The following SMG1 variants were observed in gnomAD, a reference collection of about 807,000 sequenced individuals.
SMG1 encodes SMG1 nonsense mediated mRNA decay associated PI3K related kinase, also known as serine/threonine-protein kinase SMG1.
A neutral mutation model predicts 419.9 loss-of-function variants in SMG1; 22 were observed. The ratio of observed to expected loss-of-function variants is 0.05; its 90% CI spans 0.04 to 0.07. The LOEUF (loss-of-function observed/expected upper bound fraction) is 0.07, where lower values mean the gene tolerates loss of function less well. SMG1 is among the 10% of genes least tolerant of loss of function. SMG1 has a pLI of 1.00. For synonymous variants in SMG1, 1,538 were observed against 1,553.5 expected, an observed-to-expected ratio of 0.99 and a Z score of 0.23; for missense variants, 3,185 against 4,342.0, an observed-to-expected ratio of 0.73 and a Z score of 7.49.
At chr16:18,898,248 G>C (rs998482011) in intron 1 of SMG1, among the ~76,000 whole-genome samples, 1 of 152,148 alleles carries the variant, frequency 6.6e-6, no homozygotes, top group African/African-American at 2.4e-5. Context: ...ACTGGTACAA[G>C]TCATTACTTA....
chr16:18,869,794 A>G (rs1311219847), intron 19 of SMG1, 60 bp downstream of exon 19: 4 of 1,443,262 alleles, frequency 2.8e-6, no homozygotes, highest in Admixed American at 3.4e-5. Flanking sequence ...AACTGCATGT[A>G]AAGTCAAAAG....
chr16:18,872,114 T>C (rs1285147996), intron 15 of SMG1, 70 bp downstream of exon 15: 1 of 978,348 alleles, frequency 1.0e-6, no homozygotes, highest in Non-Finnish European at 1.4e-6. Context: ...TAATCCACAT[T>C]TCTTATTCTC....
At chr16:18,809,780 CTTAA>C (rs1212197234) in intron 62 of SMG1, 134 bp from the exon 63 acceptor site, 1 of 614,848 alleles carries the variant, frequency 1.6e-6, no homozygotes, top group Non-Finnish European at 2.9e-6. Context: ...CTGTAAGCCC[CTTAA>C]TTTTCATATA....
At chr16:18,904,641 A>T (rs113298196) in intron 1 of SMG1, among the ~76,000 whole-genome samples, 1 of 151,710 alleles carries the variant, frequency 6.6e-6, no homozygotes. Context: ...TGTCTCAAAA[A>T]AAAATAAAAT....
intron 55 of SMG1, among the ~76,000 whole-genome samples, chr16:18,827,480 A>C (rs7202928): frequency 0.13 from 15,881 of 127,002 alleles, 933 homozygotes; most frequent in Middle Eastern, 0.2. Flanking sequence ...TTTTATATAT[A>C]TTTGGTATAA....
At position 18,805,222 on chromosome 16, in the gene SMG1, C is replaced by G. The variant is rs983977998; in HGVS notation, c.*4347G>C. 1.3e-5 allele frequency: 2 copies of G among 152,028 alleles called. No homozygotes were observed. Among genetic ancestry groups the G allele is most frequent in the African/African-American group, 4.8e-5 (2 of 41,380 alleles). 9.4% of individuals were successfully genotyped at this position (152,028 alleles called of 1,614,324 possible). The stretch of plus-strand genomic sequence containing the variant: ...GTGGAAATATAAGGGAAATTTAAAC[C>G]AGAAAAATGACACAATAACTTTAAA... On this transcript the variant is annotated 3_prime_UTR_variant, in exon 63 of 63. Coordinates refer to ENST00000446231, the MANE Select transcript of SMG1 (RefSeq NM_015092.5).
At chr16:18,920,300 T>C (rs1393485053) in intron 1 of SMG1, among the ~76,000 whole-genome samples, 3 of 151,290 alleles carry the variant, frequency 2.0e-5, no homozygotes, top group Non-Finnish European at 4.4e-5. Context: ...GAAAATCGCT[T>C]GTACCTGGGA....
chr16:18,854,526 A>G, intron 30 of SMG1, 130 bp downstream of exon 30: 1 of 864,546 alleles, frequency 1.2e-6, no homozygotes, highest in Non-Finnish European at 1.7e-6. Flanking sequence ...ATTATTCAGG[A>G]TGCAAATGTT....
At position 18,809,512 on chromosome 16, in the gene SMG1, G is replaced by A. The variant is rs933991849; in HGVS notation, c.*57C>T. The A allele has an allele frequency of 4.4e-6, 6 of 1,365,606 alleles. No individual in the cohort carries two copies. In the East Asian group the frequency reaches 9.4e-5, roughly 21 times the overall value. The allele number at this position is 1,365,606 out of a possible 1,614,324, so 84.6% of individuals were successfully genotyped here. A position where few individuals can be genotyped will look rare whatever the true frequency, so the allele number is the denominator to read the frequency against. On this transcript the variant is annotated 3_prime_UTR_variant, in exon 63 of 63. Coordinates refer to ENST00000446231, the MANE Select transcript of SMG1 (RefSeq NM_015092.5). ...TGTGGCTTTGGATGCCTGAGGCTGA[G>A]TTGATTCTGGTGGATGTCTGACCTC...
intron 3 of SMG1, among the ~76,000 whole-genome samples, chr16:18,895,043 T>C (rs538501791): frequency 0.095 from 14,407 of 151,958 alleles, 730 homozygotes; most frequent in Middle Eastern, 0.17. Flanking sequence ...GGTCTCGATC[T>C]CCTGACCTCG....
At chr16:18,883,690 G>C (rs898721022) in intron 9 of SMG1, among the ~76,000 whole-genome samples, 10 of 152,126 alleles carry the variant, frequency 6.6e-5, no homozygotes, top group Non-Finnish European at 1.5e-4. Flanking sequence ...AGGCCGATGC[G>C]GGTGGATCAC....
rs370087381 is a variant in SMG1, at chr16:18,869,274, T to C, written c.2663A>G (p.Tyr888Cys). 62 of 1,611,090 alleles carry C rather than the reference T, an allele frequency of 3.8e-5. No individual in the cohort carries two copies. The highest frequency in any genetic ancestry group is 4.5e-4 in the Middle Eastern group (2 of 4,452). ...GKDNWLERLF[Y>C]SCQRLDKRDQ... ...ACGCTTATCCAGTCTCTGGCAGCTA[T>C]AGAACAGTCTTTCCAACCAATTGTC... The change falls in exon 20 of 63, where the codon TAT becomes TGT. Residue 888 changes from tyrosine to cysteine, a missense_variant. Tyr to Cys is a radical substitution (Grantham distance 194). Coordinates refer to ENST00000446231, the MANE Select transcript of SMG1 (RefSeq NM_015092.5).
intron 30 of SMG1, 143 bp downstream of exon 30, chr16:18,854,513 C>T: frequency 1.2e-6 from 1 of 808,358 alleles, no homozygotes; most frequent in Non-Finnish European, 1.9e-6. Context: ...TAATAAGCAA[C>T]TTATTATTCA....
intron 35 of SMG1, 82 bp from the exon 36 acceptor site, chr16:18,849,460 A>G (rs2034470351): frequency 6.8e-6 from 9 of 1,319,612 alleles, no homozygotes; most frequent in Admixed American, 2.0e-5. Flanking sequence ...TCAAACAGAT[A>G]AAACGTGATG....
intron 7 of SMG1, 72 bp downstream of exon 7, chr16:18,885,469 G>A (rs1171067898): frequency 6.4e-7 from 1 of 1,563,660 alleles, no homozygotes; most frequent in Non-Finnish European, 8.7e-7. Flanking sequence ...TTTTCCATCT[G>A]TTTCCTCAGA....
chr16:18,841,418 A>G (rs2033919119), intron 41 of SMG1, 147 bp downstream of exon 41: 2 of 570,052 alleles, frequency 3.5e-6, no homozygotes, highest in Non-Finnish European at 3.0e-6. Flanking sequence ...AAAAAAAAAA[A>G]GTACCTCAAA....
chr16:18,902,434 G>A (rs2037384123), intron 1 of SMG1, among the ~76,000 whole-genome samples: 1 of 152,132 alleles, frequency 6.6e-6, no homozygotes, highest in Non-Finnish European at 1.5e-5. Context: ...CAGGCACAGT[G>A]GCTCAAGCCT....
At chr16:18,820,262 C>T (rs968437202) in intron 55 of SMG1, among the ~76,000 whole-genome samples, 28 of 152,012 alleles carry the variant, frequency 1.8e-4, no homozygotes, top group African/African-American at 6.5e-4. Context: ...GCACGCCCAG[C>T]TACTATCTTG....
intron 60 of SMG1, among the ~76,000 whole-genome samples, chr16:18,813,115 T>C (rs918213908): frequency 1.3e-5 from 2 of 152,180 alleles, no homozygotes; most frequent in African/African-American, 2.4e-5. Context: ...TTGTGAGTAG[T>C]GCCGCAATAA....
Sources: gnomAD v4.1 joint callset for allele counts (sites outside exome capture counted in the v4.1 genomes callset) on GRCh38, gnomAD v4.1.1 for gene constraint, MANE v1.5 for transcripts, NCBI Gene and HGNC (gene_info 2026-07-23, HGNC 2026-07-21) for gene names.